NR3C1: variants seen among roughly 807,000 people sequenced by gnomAD.
NR3C1 encodes glucocorticoid receptor.
A neutral mutation model predicts 74.0 loss-of-function variants in NR3C1; 14 were observed. The observed-to-expected ratio is 0.19, with a 90% CI of 0.12 to 0.30. The LOEUF (loss-of-function observed/expected upper bound fraction) is 0.30. NR3C1 is among the 10% of genes least tolerant of loss of function. NR3C1 has a pLI of 1.00. For synonymous variants in NR3C1, 308 were observed against 332.5 expected (o/e 0.93, Z 0.80); for missense variants, 695 against 909.8 (o/e 0.76, Z 3.04).
At chr5:143,351,870 A>G (rs974506052) in intron 2 of NR3C1, among the ~76,000 whole-genome samples, 3 of 152,200 alleles carry the variant, frequency 2.0e-5, no homozygotes, top group Non-Finnish European at 2.9e-5. Flanking sequence ...ATAGCTTTGC[A>G]CCTATACTAC....
At chr5:143,404,697 T>A, upstream of NR3C1, 2 of 214,512 alleles carry the variant, frequency 9.3e-6, no homozygotes, top group Non-Finnish European at 1.6e-5. Flanking sequence ...TTATTATGAT[T>A]AAGGAAAGCA....
intron 3 of NR3C1, among the ~76,000 whole-genome samples, chr5:143,312,748 T>C (rs1821239042): frequency 6.6e-6 from 1 of 152,182 alleles, no homozygotes; most frequent in Non-Finnish European, 1.5e-5. Flanking sequence ...GTCCGTATTA[T>C]TATTATCACT....
upstream of NR3C1, chr5:143,404,279 G>A: frequency 1.0e-6 from 1 of 985,548 alleles, no homozygotes; most frequent in Non-Finnish European, 1.2e-6. Context: ...AAACGGTGCC[G>A]CAGCGTCTCG....
At chr5:143,353,589 T>G (rs927957392) in intron 2 of NR3C1, among the ~76,000 whole-genome samples, 1 of 152,206 alleles carries the variant, frequency 6.6e-6, no homozygotes, top group Non-Finnish European at 1.5e-5. Flanking sequence ...AGCTCTTGGG[T>G]GAGCCCAGGT....
At chr5:143,431,580 G>T (rs2151964327) in intron 1 of NR3C1, among the ~76,000 whole-genome samples, 1 of 152,194 alleles carries the variant, frequency 6.6e-6, no homozygotes, top group East Asian at 1.9e-4. Flanking sequence ...GGGTTGATAG[G>T]TGCAGCAAGC....
At chr5:143,391,600 T>A (rs1838226499) in intron 2 of NR3C1, among the ~76,000 whole-genome samples, 1 of 151,964 alleles carries the variant, frequency 6.6e-6, no homozygotes, top group Non-Finnish European at 1.5e-5. Context: ...GTGGTTGGAG[T>A]TATCACTATG....
intron 2 of NR3C1, among the ~76,000 whole-genome samples, chr5:143,323,463 A>G (rs1341628094): frequency 6.6e-6 from 1 of 152,086 alleles, no homozygotes; most frequent in African/African-American, 2.4e-5. Context: ...CCATGATTCA[A>G]TTACTGCACC....
chr5:143,337,661 G>A (rs1201437402), intron 2 of NR3C1, among the ~76,000 whole-genome samples: 2 of 151,980 alleles, frequency 1.3e-5, no homozygotes, highest in African/African-American at 4.8e-5. Flanking sequence ...ATGAATAAAC[G>A]ACAGCTGTAC....
chr5:143,388,080 AG>A (rs1190715498), intron 2 of NR3C1, among the ~76,000 whole-genome samples: 2 of 152,200 alleles, frequency 1.3e-5, no homozygotes, highest in African/African-American at 4.8e-5. Flanking sequence ...AAACCACCAA[AG>A]GAAAAAACCC....
In NR3C1 at chr5:143,400,666, C is replaced by G. The variant is rs752462910; in HGVS notation, c.174G>C (p.Gln58His). 1.2e-6 allele frequency: 2 copies of G among 1,614,034 alleles called. No individual in the cohort carries two copies. Among genetic ancestry groups the G allele is most frequent in the Admixed American group, 3.3e-5 (2 of 60,018 alleles). ...TTGGAAAATCAACCAAAAGTCTTCG[C>G]TGCTTGGAGTCTGATTGAGAAGCGA... ...LAVASQSDSK[Q>H]RRLLVDFPKG... Residue 58 changes from glutamine (Q) to histidine (H), a missense_variant, in exon 2 of 9, where the codon CAG (glutamine) becomes CAC (histidine). Around this residue, in one of 4 missense-constraint regions of NR3C1, gnomAD observed 497 missense variants for 489.5 expected, o/e 1.02. Coordinates refer to ENST00000394464, the MANE Select transcript of NR3C1 (RefSeq NM_000176.3).
chr5:143,373,276 G>A (rs898032367), intron 2 of NR3C1, among the ~76,000 whole-genome samples: 10 of 152,068 alleles, frequency 6.6e-5, no homozygotes, highest in Admixed American at 1.3e-4. Flanking sequence ...TCACAGCAGC[G>A]TTGTTCAAAA....
intron 1 of NR3C1, among the ~76,000 whole-genome samples, chr5:143,423,943 T>G (rs1751372233): frequency 1.5e-5 from 2 of 137,908 alleles, no homozygotes; most frequent in Admixed American, 7.3e-5. Context: ...CTGGGAAGGG[T>G]AGTGGGGAGG....
At chr5:143,292,989 G>A (rs1816291123) in intron 7 of NR3C1, among the ~76,000 whole-genome samples, 1 of 152,048 alleles carries the variant, frequency 6.6e-6, no homozygotes, top group Non-Finnish European at 1.5e-5. Flanking sequence ...GATTTCCCTT[G>A]TGGTTTATAT....
intron 2 of NR3C1, among the ~76,000 whole-genome samples, chr5:143,349,323 G>A (rs1191775486): frequency 6.6e-6 from 1 of 152,054 alleles, no homozygotes; most frequent in Non-Finnish European, 1.5e-5. Flanking sequence ...CTGGACAATT[G>A]CCTACTCTCT....
intron 2 of NR3C1, among the ~76,000 whole-genome samples, chr5:143,325,252 G>A (rs376624422): frequency 6.6e-6 from 1 of 152,190 alleles, no homozygotes; most frequent in Non-Finnish European, 1.5e-5. Flanking sequence ...CATGGCGGGA[G>A]GCAAAAGGTA....
chr5:143,313,864 C>A, intron 3 of NR3C1, 138 bp downstream of exon 3: 1 of 815,784 alleles, frequency 1.2e-6, no homozygotes, highest in Non-Finnish European at 2.1e-6. Flanking sequence ...CATTAGAGGA[C>A]CTAGGAGCCA....
At chr5:143,288,633 G>T (rs1359615532) in intron 7 of NR3C1, among the ~76,000 whole-genome samples, 1 of 151,858 alleles carries the variant, frequency 6.6e-6, no homozygotes, top group East Asian at 2.0e-4. Flanking sequence ...TACCATGCCT[G>T]GCTAATTTTT....
Position 143,279,256 on chromosome 5 carries a change from T to C in NR3C1, c.*2633A>G, listed in dbSNP as rs1278402381. The C allele has an allele frequency of 7.8e-7, 1 of 1,282,804 alleles. No individual in the cohort carries two copies. The highest frequency in any genetic ancestry group is 1.5e-5 in the African/African-American group (1 of 64,912). The allele number at this position is 1,282,804 out of a possible 1,614,324, so 79.5% of individuals were successfully genotyped here. A position where few individuals can be genotyped will look rare whatever the true frequency, so the allele number is the denominator to read the frequency against. The stretch of plus-strand genomic sequence containing the variant: ...TTCCCATTTAATGAAAAGCCTCCTA[T>C]AGTTGTCGATGAGCATCAGTTGACT... On this transcript the variant is annotated 3_prime_UTR_variant, in exon 9 of 9. Coordinates refer to ENST00000394464, the MANE Select transcript of NR3C1 (RefSeq NM_000176.3).
At chr5:143,411,408 G>A (rs1476165210) in intron 1 of NR3C1, among the ~76,000 whole-genome samples, 2 of 152,140 alleles carry the variant, frequency 1.3e-5, no homozygotes, top group East Asian at 1.9e-4. Flanking sequence ...ATTAATGAAC[G>A]AGTTTAGTTC....
Sources: allele counts gnomAD v4.1 joint callset (sites outside exome capture counted in the v4.1 genomes callset), GRCh38; gene constraint gnomAD v4.1.1; regional missense constraint gnomAD v4.1.1; transcripts MANE v1.5; gene names NCBI Gene and HGNC (gene_info 2026-07-23, HGNC 2026-07-21).